The following TTLL6 variants were observed in gnomAD, a reference collection of about 807,000 sequenced individuals.
The protein encoded by TTLL6 is tubulin polyglutamylase TTLL6.
TTLL6 carries 75 observed loss-of-function variants against 96.4 expected under a neutral mutation model. The observed-to-expected ratio is 0.78, with a 90% CI of 0.65 to 0.94. TTLL6 has a LOEUF of 0.94. TTLL6 is among the 40% of genes least tolerant of loss of function. The pLI is 0.00. For synonymous variants in TTLL6, 411 were observed against 419.4 expected (o/e 0.98, Z 0.24); for missense variants, 1,030 against 1,093.0 (o/e 0.94, Z 0.81).
At position 48,790,066 on chromosome 17, in the gene TTLL6, T is replaced by A. The variant is rs878927649; in HGVS notation, c.1265A>T (p.Asp422Val). 6.2e-7 allele frequency: 1 copy of A among 1,614,132 alleles called. No homozygotes were observed. The highest frequency in any genetic ancestry group is 1.1e-5 in the South Asian group (1 of 91,064). ...CAGCAGACCATCTTTCACCTCTTTATCCAACCGAGAGTCGGTGGAGAAGCT... is the reference window on the plus strand; with the variant it reads ...CAGCAGACCATCTTTCACCTCTTTAACCAACCGAGAGTCGGTGGAGAAGCT... Reference protein sequence around the residue: ...SPSFSTDSRLDKEVKDGLLYD... With the variant: ...SPSFSTDSRLVKEVKDGLLYD... Residue 422 changes from aspartate (D) to valine (V), a missense_variant, in exon 10 of 16, where the codon GAT becomes GTT. Transcript: ENST00000393382.
At chr17:48,772,159 A>T (rs2038760758) in intron 13 of TTLL6, among the ~76,000 whole-genome samples, 1 of 152,032 alleles carries the variant, frequency 6.6e-6, no homozygotes, top group South Asian at 2.1e-4. Context: ...CCAGAAAAAT[A>T]TAATCCACAC....
chr17:48,801,910 G>C (rs909881764), intron 3 of TTLL6, among the ~76,000 whole-genome samples: 5 of 151,842 alleles, frequency 3.3e-5, no homozygotes, highest in African/African-American at 1.2e-4. Context: ...TCTGGGTGTG[G>C]TGGGGTGCGC....
chr17:48,808,893 C>T (rs189762587), intron 1 of TTLL6, among the ~76,000 whole-genome samples: 3,392 of 152,180 alleles, frequency 0.022, 49 homozygotes, highest in Admixed American at 0.035. Context: ...TTCTAGACAA[C>T]TTTTATACCC....
intron 3 of TTLL6, 56 bp downstream of exon 3, chr17:48,803,835 C>G (rs2039464371): frequency 6.5e-7 from 1 of 1,532,520 alleles, no homozygotes; most frequent in African/African-American, 1.4e-5. Context: ...TCTTCCCAAC[C>G]CTTTGGGAGA....
intron 3 of TTLL6, 38 bp downstream of exon 3, chr17:48,803,853 G>A (rs535648165): frequency 1.3e-6 from 2 of 1,549,970 alleles, no homozygotes; most frequent in Non-Finnish European, 1.7e-6. Flanking sequence ...AGAATCCAGT[G>A]GGTCCCCATT....
chr17:48,771,217 A>C (rs778694524), intron 13 of TTLL6, among the ~76,000 whole-genome samples: 39 of 152,308 alleles, frequency 2.6e-4, no homozygotes, highest in Non-Finnish European at 4.6e-4. Flanking sequence ...ATGAGGAGGA[A>C]AGGATCTCAG....
intron 13 of TTLL6, among the ~76,000 whole-genome samples, chr17:48,784,255 A>C (rs2039044095): frequency 6.6e-6 from 1 of 152,098 alleles, no homozygotes; most frequent in South Asian, 2.1e-4. Context: ...AAATACAAAA[A>C]TTAGCCCGGC....
Position 48,791,368 on chromosome 17 carries a change from A to C in TTLL6, c.1224+10T>G. ...GAGTTCGTTTTCGCCCCTCGCCCAA[A>C]CTTCCCTACCTCCAGCAGCCAGGGT... is the stretch of plus-strand genomic sequence containing the variant. On this transcript the variant is annotated intron_variant, in intron 9 of 15. Transcript: ENST00000393382. The C allele has an allele frequency of 6.2e-7, 1 of 1,613,054 alleles. No individual in the cohort carries two copies. The highest frequency in any genetic ancestry group is 1.7e-5 in the Admixed American group (1 of 59,970).
At chr17:48,775,541 T>TTAG (rs1481266047) in intron 13 of TTLL6, among the ~76,000 whole-genome samples, 1 of 149,206 alleles carries the variant, frequency 6.7e-6, no homozygotes, top group African/African-American at 2.4e-5. Context: ...ATTATTATTA[T>TTAG]TATTATTATT....
At chr17:48,789,905 C>T (rs754788316) in intron 10 of TTLL6, 26 bp downstream of exon 10, 5 of 1,610,758 alleles carry the variant, frequency 3.1e-6, no homozygotes, top group East Asian at 4.5e-5. Flanking sequence ...GAGAGAGCCC[C>T]GCAAGGCTGG....
chr17:48,791,508 A>C lies in TTLL6; in HGVS notation c.1094T>G (p.Ile365Ser). 6.2e-7 allele frequency: 1 copy of C among 1,614,192 alleles called. No individual in the cohort carries two copies. ...ATGCCTGATGATGGGGTGGGCCGAG[A>C]TGAGGGTCTTGATGATGACGTCCTC... Reference protein sequence around the residue: ...DIEDVIIKTLISAHPIIRHNY... With the variant: ...DIEDVIIKTLSSAHPIIRHNY... The change falls in exon 9 of 16, where the codon ATC becomes AGC. Residue 365 changes from isoleucine to serine, a missense_variant. Ile to Ser is a moderately radical substitution (Grantham distance 142). Transcript: ENST00000393382.
chr17:48,770,233 A>G lies in TTLL6; in HGVS notation c.2041-136T>C. 5 of 1,260,482 alleles carry G rather than the reference A, an allele frequency of 4.0e-6. No homozygotes were observed. The East Asian group carries it at 1.3e-4, about 32-fold the overall frequency. The allele number at this position is 1,260,482 out of a possible 1,614,324, so 78.1% of individuals were successfully genotyped here. On this transcript the variant is annotated intron_variant, in intron 13 of 15. Transcript: ENST00000393382. ...GCTGGCCTCAAATTGGGCTCAAGTG[A>G]TGCTCCTGCCTCAGCCTCCTGAGTA...
chr17:48,791,361 C>A lies in TTLL6; in HGVS notation c.1224+17G>T, dbSNP rs374980199. On this transcript the variant is annotated intron_variant, in intron 9 of 15. Coordinates refer to ENST00000393382, the MANE Select transcript of TTLL6 (RefSeq NM_001130918.3). ...ATAACAGGAGTTCGTTTTCGCCCCT[C>A]GCCCAAACTTCCCTACCTCCAGCAG... 305 of 1,609,652 alleles carry A rather than the reference C, an allele frequency of 1.9e-4. No homozygotes were observed. Among genetic ancestry groups the A allele is most frequent in the Non-Finnish European group, 2.4e-4 (280 of 1,176,694 alleles).
Position 48,817,113 on chromosome 17 carries a change from A to T in TTLL6, c.-41T>A. On this transcript the variant is annotated 5_prime_UTR_variant, in exon 1 of 16. An upstream open reading frame in the 5' UTR loses its in-frame stop. Coordinates refer to ENST00000393382, the MANE Select transcript of TTLL6 (RefSeq NM_001130918.3). ...CCCAACCCCAACCCGCGCTCGCCCT[A>T]ACTTTGGGTCCGCCCGGCCCTCATA... 1.3e-6 allele frequency: 2 copies of T among 1,484,460 alleles called. No individual in the cohort carries two copies. Among genetic ancestry groups the T allele is most frequent in the Non-Finnish European group, 1.8e-6 (2 of 1,104,412 alleles). 92.0% of individuals were successfully genotyped at this position (1,484,460 alleles called of 1,614,324 possible).
chr17:48,782,415 A>G (rs1304115847), intron 13 of TTLL6, among the ~76,000 whole-genome samples: 2 of 152,152 alleles, frequency 1.3e-5, no homozygotes, highest in African/African-American at 4.8e-5. Flanking sequence ...TTGGCCTCCC[A>G]AAGTGCTGGG....
intron 1 of TTLL6, among the ~76,000 whole-genome samples, chr17:48,805,899 C>T (rs1355101694): frequency 6.6e-6 from 1 of 152,146 alleles, no homozygotes; most frequent in East Asian, 1.9e-4. Flanking sequence ...CACCTGAGGT[C>T]GGGAGATTGA....
At chr17:48,773,051 G>A (rs1355164371) in intron 13 of TTLL6, among the ~76,000 whole-genome samples, 1 of 152,150 alleles carries the variant, frequency 6.6e-6, no homozygotes, top group Admixed American at 6.5e-5. Flanking sequence ...AGGGCTTAAA[G>A]GTATAATAAT....
intron 2 of TTLL6, chr17:48,804,231 T>C: frequency 1.8e-6 from 1 of 559,798 alleles, no homozygotes; most frequent in Non-Finnish European, 3.4e-6. Context: ...CTCCACTGGC[T>C]CATCAGGGAC....
intron 6 of TTLL6, among the ~76,000 whole-genome samples, chr17:48,797,858 C>T (rs2039346901): frequency 1.4e-5 from 2 of 145,604 alleles, no homozygotes; most frequent in Non-Finnish European, 3.0e-5. Flanking sequence ...AATCCCAATA[C>T]TTTGGGAGGC....
Sources: gnomAD v4.1 joint callset for allele counts (sites outside exome capture counted in the v4.1 genomes callset) on GRCh38, gnomAD v4.1.1 for gene constraint, MANE v1.5 for transcripts, NCBI Gene and HGNC (gene_info 2026-07-23, HGNC 2026-07-21) for gene names.